CSNK1G2: variants seen among roughly 807,000 people sequenced by gnomAD.
CSNK1G2 encodes casein kinase 1 gamma 2, also known as casein kinase I isoform gamma-2.
CSNK1G2 carries 11 observed loss-of-function variants against 48.0 expected under a neutral mutation model. The ratio of observed to expected loss-of-function variants is 0.23; its 90% CI spans 0.14 to 0.38. CSNK1G2 has a LOEUF of 0.38. CSNK1G2 is among the 10% of genes least tolerant of loss of function. The pLI, the probability that CSNK1G2 is intolerant of heterozygous loss-of-function variation, is 1.00. For missense variants in CSNK1G2, 446 were observed against 595.5 expected (o/e 0.75, Z 2.61); for synonymous variants, 337 against 254.1 (o/e 1.33, Z -3.10).
intron 1 of CSNK1G2, among the ~76,000 whole-genome samples, chr19:1,945,986 A>G (rs1314726148): frequency 1.3e-5 from 2 of 151,646 alleles, no homozygotes; most frequent in Non-Finnish European, 2.9e-5. Flanking sequence ...GGGGCAAGAG[A>G]CTCTGGTCTG....
chr19:1,976,292 C>T (rs550881970), intron 2 of CSNK1G2, among the ~76,000 whole-genome samples: 3 of 152,072 alleles, frequency 2.0e-5, no homozygotes, highest in Non-Finnish European at 4.4e-5. Flanking sequence ...AGGGGTTGCC[C>T]TGGTCCCTGG....
intron 11 of CSNK1G2, 25 bp from the exon 12 acceptor site, chr19:1,980,124 C>T: frequency 6.2e-7 from 1 of 1,612,580 alleles, no homozygotes; most frequent in Non-Finnish European, 8.5e-7. Context: ...CCCGGTCCTC[C>T]TACCTGAGCC....
At chr19:1,976,175 T>G in intron 2 of CSNK1G2, 2 of 1,115,368 alleles carry the variant, frequency 1.8e-6, no homozygotes, top group South Asian at 2.6e-5. Context: ...CCTGTTGTTT[T>G]ACGAGGAGAA....
chr19:1,954,875 G>A (rs1026970840), intron 1 of CSNK1G2, among the ~76,000 whole-genome samples: 1 of 152,166 alleles, frequency 6.6e-6, no homozygotes, highest in South Asian at 2.1e-4. Flanking sequence ...TCGTGGCTGC[G>A]TGGGTTGGGT....
At chr19:1,942,269 C>G (rs886529056) in intron 1 of CSNK1G2, among the ~76,000 whole-genome samples, 4 of 152,252 alleles carry the variant, frequency 2.6e-5, no homozygotes, top group African/African-American at 9.6e-5. Flanking sequence ...GCTCCTCTCT[C>G]CCAACTTTCT....
chr19:1,959,705 T>C (rs1393440325), intron 1 of CSNK1G2, among the ~76,000 whole-genome samples: 1 of 110,812 alleles, frequency 9.0e-6, no homozygotes, highest in Non-Finnish European at 1.6e-5. Context: ...CCGTCCCACC[T>C]TTAGTGCCAC....
rs893242809 is a variant in CSNK1G2 at position 1,957,967 on chromosome 19, G to C, written c.-265-11541G>C. On this transcript the variant is annotated intron_variant, in intron 1 of 11. Coordinates refer to ENST00000255641, the MANE Select transcript of CSNK1G2 (RefSeq NM_001319.7). This position sits in a 1 kb window ranked among gnomAD's most constrained non-coding sequence, Gnocchi z 5.4. Reference sequence around the variant, plus strand: ...CCTCATGTCACCACGTGCTTCCCCCGTGTGCAGGGAGGGGTTGGAGGTGTG... The same window carrying C: ...CCTCATGTCACCACGTGCTTCCCCCCTGTGCAGGGAGGGGTTGGAGGTGTG... 6.6e-5 allele frequency among the ~76,000 whole-genome samples: 10 copies of C among 152,186 alleles called. No individual in the cohort carries two copies. The highest frequency in any genetic ancestry group is 2.4e-4 in the African/African-American group (10 of 41,440).
At chr19:1,948,789 G>T (rs62129469) in intron 1 of CSNK1G2, among the ~76,000 whole-genome samples, 11 of 151,834 alleles carry the variant, frequency 7.2e-5, no homozygotes, top group African/African-American at 2.7e-4. Context: ...TCCAGATGCC[G>T]CTGCCGACAG....
At chr19:1,969,352 G>A (rs557462275) in intron 1 of CSNK1G2, among the ~76,000 whole-genome samples, 156 bp from the exon 2 acceptor site, 1 of 152,040 alleles carries the variant, frequency 6.6e-6, no homozygotes, top group Admixed American at 6.6e-5. Context: ...TCCCAGCTGG[G>A]TTCCGGGCAG....
intron 1 of CSNK1G2, among the ~76,000 whole-genome samples, chr19:1,950,130 T>TTATA (rs1247193985): frequency 6.6e-6 from 1 of 150,706 alleles, no homozygotes; most frequent in Non-Finnish European, 1.5e-5. Flanking sequence ...TTTTATTTAT[T>TTATA]TATATATTTA....
chr19:1,967,672 G>GCTCCTCC lies in CSNK1G2; in HGVS notation c.-265-1827_-265-1821dup, dbSNP rs1210481466. 9.5e-4 allele frequency among the ~76,000 whole-genome samples: 125 copies of GCTCCTCC among 131,616 alleles called. 5 individuals are homozygous for GCTCCTCC. Among genetic ancestry groups the GCTCCTCC allele is most frequent in the Middle Eastern group, 7.7e-3 (2 of 260 alleles). The allele number at this position is 131,616 out of a possible 152,430, so 86.3% of individuals were successfully genotyped here. A position where few individuals can be genotyped will look rare whatever the true frequency, so the allele number is the denominator to read the frequency against. Reference sequence around the variant, plus strand: ...GCCACCCTTCAGTTCTGCAGGTGGGGCTCCTCCCTCCTCCCCAGGCTGCCC... The same window carrying GCTCCTCC: ...GCCACCCTTCAGTTCTGCAGGTGGGGCTCCTCCCTCCTCCCTCCTCCCCAGGCTGCCC... On this transcript the variant is annotated intron_variant, in intron 1 of 11. Transcript: ENST00000255641.
At chr19:1,976,796 A>T (rs1228431423) in intron 2 of CSNK1G2, among the ~76,000 whole-genome samples, 1 of 150,976 alleles carries the variant, frequency 6.6e-6, no homozygotes, top group East Asian at 1.9e-4. Flanking sequence ...CTGGAGTGCA[A>T]TGGCACCATC....
intron 1 of CSNK1G2, among the ~76,000 whole-genome samples, chr19:1,968,077 GCTCCTCC>G (rs748863749): frequency 2.3e-5 from 1 of 43,606 alleles, no homozygotes; most frequent in Non-Finnish European, 4.0e-5. Context: ...TGCAGGTGGG[GCTCCTCC>G]CTCCTCCCTC....
intron 1 of CSNK1G2, among the ~76,000 whole-genome samples, chr19:1,944,362 C>G (rs1599275685): frequency 1.3e-5 from 2 of 152,080 alleles, no homozygotes; most frequent in African/African-American, 4.8e-5. Flanking sequence ...TTCTGGAGTT[C>G]TCGTGGGGCC....
In CSNK1G2 at chr19:1,979,845, G is replaced by T; in HGVS notation, c.1086+10G>T. 6.2e-7 allele frequency: 1 copy of T among 1,602,252 alleles called. No individual in the cohort carries two copies. Among genetic ancestry groups the T allele is most frequent in the Non-Finnish European group, 8.5e-7 (1 of 1,175,086 alleles). On this transcript the variant is annotated intron_variant, in intron 10 of 11. Transcript: ENST00000255641. ...GCACAGCAAAAACCAGGTGAGGCCC[G>T]GGCGGGACCGACCGCCCCAGGGAGG...
chr19:1,975,690 A>C (rs963598917), intron 2 of CSNK1G2: 6 of 982,456 alleles, frequency 6.1e-6, no homozygotes, highest in Non-Finnish European at 7.2e-6. Flanking sequence ...TTCAGGGGGC[A>C]GTGTCCTGAG....
chr19:1,965,155 G>C (rs1326775934), intron 1 of CSNK1G2, among the ~76,000 whole-genome samples: 1 of 150,928 alleles, frequency 6.6e-6, no homozygotes, highest in Non-Finnish European at 1.5e-5. Flanking sequence ...CAGCACTTCG[G>C]GAGGCCAAGG....
At chr19:1,942,993 C>A (rs532010059) in intron 1 of CSNK1G2, among the ~76,000 whole-genome samples, 2 of 152,138 alleles carry the variant, frequency 1.3e-5, no homozygotes, top group East Asian at 3.8e-4. Context: ...CTCAGCCCCC[C>A]ACAGTGAGCT....
At chr19:1,948,553 A>G (rs1397053759) in intron 1 of CSNK1G2, among the ~76,000 whole-genome samples, 2 of 107,266 alleles carry the variant, frequency 1.9e-5, no homozygotes, top group East Asian at 4.9e-4. Flanking sequence ...AAAAAAAAAA[A>G]AGATCCCGTC....
Sources: gnomAD v4.1 joint callset for allele counts (sites outside exome capture counted in the v4.1 genomes callset) on GRCh38, gnomAD v4.1.1 for gene constraint, Gnocchi (gnomAD v3.1) non-coding constraint, MANE v1.5 for transcripts, NCBI Gene and HGNC (gene_info 2026-07-23, HGNC 2026-07-21) for gene names.